The following NRXN3 variants were observed in gnomAD, a reference collection of about 807,000 sequenced individuals.
The protein encoded by NRXN3 is neurexin III.
In NRXN3, 32 loss-of-function variants were observed where a neutral mutation model predicts 137.6. The observed-to-expected ratio is 0.23, with a 90% CI of 0.18 to 0.31. The LOEUF (loss-of-function observed/expected upper bound fraction) is 0.31. NRXN3 is among the 10% of genes least tolerant of loss of function. The probability of loss-of-function intolerance (pLI) is 1.00; values close to 1 mark genes in which losing one functional copy is unlikely to be tolerated. For missense variants in NRXN3, 1,574 were observed against 2,062.5 expected (o/e 0.76, Z 4.59); for synonymous variants, 798 against 784.5 (o/e 1.02, Z -0.29).
chr14:79,523,261 C>T (rs927289010), intron 16 of NRXN3, among the ~76,000 whole-genome samples: 3 of 152,072 alleles, frequency 2.0e-5, no homozygotes, highest in Non-Finnish European at 2.9e-5. Context: ...TCAGTAAGTA[C>T]AAAATGAAAA....
chr14:78,345,796 C>T (rs550968573), intron 4 of NRXN3, among the ~76,000 whole-genome samples: 31 of 152,244 alleles, frequency 2.0e-4, no homozygotes, highest in African/African-American at 6.7e-4. Context: ...CTGGGCAAAC[C>T]GGCTGCCACT....
chr14:78,989,161 A>G (rs887489300), intron 15 of NRXN3, among the ~76,000 whole-genome samples: 3 of 152,314 alleles, frequency 2.0e-5, no homozygotes, highest in Middle Eastern at 3.4e-3. Context: ...TTTATAATCC[A>G]GACTCATTTG....
At chr14:79,081,731 G>A (rs769703945) in intron 15 of NRXN3, among the ~76,000 whole-genome samples, 3 of 151,906 alleles carry the variant, frequency 2.0e-5, no homozygotes, top group Non-Finnish European at 4.4e-5. Flanking sequence ...AGAGGTATGA[G>A]CAATGTTCTA....
At chr14:79,554,407 C>A (rs1268866903) in intron 16 of NRXN3, among the ~76,000 whole-genome samples, 1 of 152,180 alleles carries the variant, frequency 6.6e-6, no homozygotes, top group Admixed American at 6.5e-5. Flanking sequence ...ACTTCAAATA[C>A]TCAAACCTAT....
chr14:79,859,001 CA>C (rs2099408859), intron 20 of NRXN3, among the ~76,000 whole-genome samples: 7 of 120,828 alleles, frequency 5.8e-5, no homozygotes, highest in African/African-American at 8.9e-5. Context: ...AAAAAAAAAA[CA>C]GGTGTCTGCT....
At chr14:79,005,166 G>A (rs1020114292) in intron 15 of NRXN3, among the ~76,000 whole-genome samples, 3 of 152,210 alleles carry the variant, frequency 2.0e-5, no homozygotes, top group Admixed American at 2.0e-4. Context: ...GGCAGTTGGA[G>A]TTTCTAGTCT....
At chr14:79,778,766 A>G (rs2099105303) in intron 19 of NRXN3, among the ~76,000 whole-genome samples, 1 of 152,292 alleles carries the variant, frequency 6.6e-6, no homozygotes, top group Middle Eastern at 3.4e-3. Flanking sequence ...CGTTTTTACT[A>G]GTGATATTAC....
intron 2 of NRXN3, among the ~76,000 whole-genome samples, chr14:78,275,402 A>G (rs1430633774): frequency 6.6e-6 from 1 of 152,186 alleles, no homozygotes; most frequent in Non-Finnish European, 1.5e-5. Context: ...CCATTTATAC[A>G]TGATAAGTTT....
intron 15 of NRXN3, among the ~76,000 whole-genome samples, chr14:79,370,410 C>T (rs1445421602): frequency 6.6e-6 from 1 of 151,398 alleles, no homozygotes; most frequent in Admixed American, 6.6e-5. Context: ...CCTCTGCCTC[C>T]GGGGTTCAAA....
rs59969129 is a variant in NRXN3, at chr14:78,757,409, T to TAAAAAAAAA, written c.2044+42275_2044+42283dup. On this transcript the variant is annotated intron_variant, in intron 8 of 20. Transcript: ENST00000335750. ...GGCGACAGAGAGAGATTCCATCTCT[T>TAAAAAAAAA]AAAAAAAAAAAAAGGATTCTGCATG... 3.2e-3 allele frequency among the ~76,000 whole-genome samples: 439 copies of TAAAAAAAAA among 138,548 alleles called. 11 individuals are homozygous for TAAAAAAAAA. In the East Asian group the frequency reaches 0.054, roughly 17 times the overall value. 90.9% of individuals were successfully genotyped at this position (138,548 alleles called of 152,430 possible). A position where few individuals can be genotyped will look rare whatever the true frequency, so the allele number is the denominator to read the frequency against.
At chr14:79,444,454 CATTA>C (rs1297195564) in intron 15 of NRXN3, among the ~76,000 whole-genome samples, 1 of 152,204 alleles carries the variant, frequency 6.6e-6, no homozygotes, top group African/African-American at 2.4e-5. Context: ...ATTTTGTACA[CATTA>C]ATTAATTATC....
intron 15 of NRXN3, among the ~76,000 whole-genome samples, chr14:79,460,143 C>T (rs2096311480): frequency 6.6e-6 from 1 of 152,084 alleles, no homozygotes; most frequent in Non-Finnish European, 1.5e-5. Context: ...TTTAGTCAAA[C>T]TTTCTGGGAG....
intron 14 of NRXN3, among the ~76,000 whole-genome samples, chr14:78,971,425 CAT>C (rs10560521): frequency 0.067 from 9,908 of 148,216 alleles, 706 homozygotes; most frequent in East Asian, 0.42. Flanking sequence ...CACAGATAAA[CAT>C]ATATATATAT....
intron 16 of NRXN3, among the ~76,000 whole-genome samples, chr14:79,548,546 A>G (rs1935783196): frequency 6.6e-6 from 1 of 152,080 alleles, no homozygotes; most frequent in African/African-American, 2.4e-5. Flanking sequence ...TCCTTTGGGT[A>G]TATACCCTGC....
chr14:79,158,052 A>C (rs1199379076), intron 15 of NRXN3, among the ~76,000 whole-genome samples: 1 of 151,760 alleles, frequency 6.6e-6, no homozygotes, highest in Non-Finnish European at 1.5e-5. Context: ...TTTTCTGTCC[A>C]TTAAGAAGAT....
At chr14:79,082,065 TA>T (rs1359451258) in intron 15 of NRXN3, among the ~76,000 whole-genome samples, 3 of 132,928 alleles carry the variant, frequency 2.3e-5, no homozygotes, top group Non-Finnish European at 5.1e-5. Context: ...ATATGTTTCA[TA>T]CATATATATA....
chr14:79,329,281 A>G (rs2153309661), intron 15 of NRXN3, among the ~76,000 whole-genome samples: 1 of 152,346 alleles, frequency 6.6e-6, no homozygotes, highest in South Asian at 2.1e-4. Context: ...GGGCATGTGT[A>G]TAGTATATCC....
At chr14:78,379,481 C>G (rs2088620808) in intron 4 of NRXN3, among the ~76,000 whole-genome samples, 1 of 152,108 alleles carries the variant, frequency 6.6e-6, no homozygotes, top group Non-Finnish European at 1.5e-5. Context: ...TGATATATCC[C>G]ACAATATTAA....
At chr14:79,837,963 A>C (rs549541080) in intron 20 of NRXN3, among the ~76,000 whole-genome samples, 1 of 152,280 alleles carries the variant, frequency 6.6e-6, no homozygotes, top group African/African-American at 2.4e-5. Context: ...TGTCCTTTCA[A>C]GTAGGACAAA....
Sources: gnomAD v4.1 joint callset for allele counts (sites outside exome capture counted in the v4.1 genomes callset) on GRCh38, gnomAD v4.1.1 for gene constraint, MANE v1.5 for transcripts, NCBI Gene and HGNC (gene_info 2026-07-23, HGNC 2026-07-21) for gene names.